ARIH2: variants seen among roughly 807,000 people sequenced by gnomAD.
ARIH2 encodes the protein E3 ubiquitin-protein ligase ARIH2.
In ARIH2, 12 loss-of-function variants were observed where a neutral mutation model predicts 79.8. The observed-to-expected ratio is 0.15, with a 90% CI of 0.10 to 0.24. The LOEUF (loss-of-function observed/expected upper bound fraction) is 0.24, where lower values mean the gene tolerates loss of function less well. Among genes scored for constraint, ARIH2 ranks in the 10% least tolerant of loss-of-function variants. The probability of loss-of-function intolerance (pLI) is 1.00; values close to 1 mark genes in which losing one functional copy is unlikely to be tolerated. For synonymous variants in ARIH2, 224 were observed against 213.9 expected (o/e 1.05, Z -0.41); for missense variants, 301 against 618.3 (o/e 0.49, Z 5.44).
chr3:48,954,179 G>T (rs2090322993), intron 3 of ARIH2, among the ~76,000 whole-genome samples: 1 of 151,784 alleles, frequency 6.6e-6, no homozygotes, highest in Non-Finnish European at 1.5e-5. Context: ...GAAAAGGCCG[G>T]GCTTGGTGGC....
chr3:48,960,538 C>T (rs1369669377), intron 3 of ARIH2, among the ~76,000 whole-genome samples: 2 of 151,546 alleles, frequency 1.3e-5, no homozygotes, highest in East Asian at 1.9e-4. Flanking sequence ...CCAAGGCAGG[C>T]GGATCACCTG....
At chr3:48,962,614 C>T (rs551339101) in intron 4 of ARIH2, among the ~76,000 whole-genome samples, 1 of 152,274 alleles carries the variant, frequency 6.6e-6, no homozygotes, top group Admixed American at 6.5e-5. Flanking sequence ...CAGTGTTTCT[C>T]ATCCTCAGCA....
intron 4 of ARIH2, among the ~76,000 whole-genome samples, chr3:48,964,342 A>G (rs1180683545): frequency 7.3e-6 from 1 of 136,594 alleles, no homozygotes; most frequent in Non-Finnish European, 1.6e-5. Context: ...TTGAGACAGA[A>G]TCTCGCTCTG....
At position 48,985,338 on chromosome 3, in the gene ARIH2, GT is replaced by G. The variant is rs1412219407; in HGVS notation, c.*2071del. On this transcript the variant is annotated 3_prime_UTR_variant, in exon 16 of 16. Transcript: ENST00000356401. ...CCCTCCTGTGCCCTCAGTGGCTGTC[GT>G]TTGTTAACATCATCAGGAAGATGGG... 1 of 152,112 alleles carries G rather than the reference GT, an allele frequency of 6.6e-6. No individual in the cohort carries two copies. Among genetic ancestry groups the G allele is most frequent in the Non-Finnish European group, 1.5e-5 (1 of 68,028 alleles). 9.4% of individuals were successfully genotyped at this position (152,112 alleles called of 1,614,324 possible).
At chr3:48,939,191 C>A (rs191932957) in intron 3 of ARIH2, among the ~76,000 whole-genome samples, 1 of 152,202 alleles carries the variant, frequency 6.6e-6, no homozygotes, top group East Asian at 1.9e-4. Flanking sequence ...TGGTCTTGAA[C>A]TCCAGACTTC....
At chr3:48,974,937 T>C (rs745503656) in intron 10 of ARIH2, 21 bp from the exon 11 acceptor site, 4 of 1,614,192 alleles carry the variant, frequency 2.5e-6, no homozygotes, top group Non-Finnish European at 3.4e-6. Context: ...TAACGTGTTT[T>C]CTTCTGTTTC....
At chr3:48,943,085 T>C (rs531602215) in intron 3 of ARIH2, 1 of 152,324 alleles carries the variant, frequency 6.6e-6, no homozygotes, top group South Asian at 2.1e-4. Context: ...CGCCAACCTC[T>C]TCTTTTTCAA....
chr3:48,938,473 G>T (rs2087501584), intron 3 of ARIH2, among the ~76,000 whole-genome samples: 1 of 151,988 alleles, frequency 6.6e-6, no homozygotes, highest in Non-Finnish European at 1.5e-5. Flanking sequence ...AAAAAAAAAT[G>T]CCACATGAAG....
chr3:48,929,498 A>G (rs962305656), intron 3 of ARIH2, among the ~76,000 whole-genome samples: 5 of 152,128 alleles, frequency 3.3e-5, no homozygotes, highest in Non-Finnish European at 7.3e-5. Context: ...AGTCTAGCTC[A>G]TGCTTTCTCT....
chr3:48,953,277 T>C (rs757862380), intron 3 of ARIH2, among the ~76,000 whole-genome samples: 16 of 152,194 alleles, frequency 1.1e-4, no homozygotes, highest in African/African-American at 1.4e-4. Context: ...CAACATCTTA[T>C]CAAATTATGA....
chr3:48,966,297 G>C (rs1371015961), intron 5 of ARIH2, among the ~76,000 whole-genome samples: 1 of 152,146 alleles, frequency 6.6e-6, no homozygotes, highest in African/African-American at 2.4e-5. Context: ...TGAGAATCCA[G>C]TTCTTTTTCT....
At chr3:48,937,191 A>G (rs1265872476) in intron 3 of ARIH2, among the ~76,000 whole-genome samples, 1 of 152,244 alleles carries the variant, frequency 6.6e-6, no homozygotes, top group African/African-American at 2.4e-5. Flanking sequence ...TGGAAAAGTT[A>G]TTCTCTTTGA....
At chr3:48,969,571 C>A (rs2092046618) in intron 7 of ARIH2, among the ~76,000 whole-genome samples, 1 of 151,184 alleles carries the variant, frequency 6.6e-6, no homozygotes, top group African/African-American at 2.4e-5. Context: ...ACTGCAGCCT[C>A]TGACCTCCCA....
intron 3 of ARIH2, among the ~76,000 whole-genome samples, chr3:48,937,143 G>A (rs2107138125): frequency 6.6e-6 from 1 of 152,376 alleles, no homozygotes; most frequent in East Asian, 1.9e-4. Context: ...GGAAAACAGA[G>A]CTGTTCTTAT....
chr3:48,938,347 A>G (rs1385453405), intron 3 of ARIH2, among the ~76,000 whole-genome samples: 2 of 151,948 alleles, frequency 1.3e-5, no homozygotes, highest in Admixed American at 6.6e-5. Flanking sequence ...TTTATTTGCA[A>G]TGGCCAAAAA....
In ARIH2 at chr3:48,983,565, T is replaced by C; in HGVS notation, c.*295T>C. 1 of 330,266 alleles carries C rather than the reference T, an allele frequency of 3.0e-6. No homozygotes were observed. The highest frequency in any genetic ancestry group is 5.5e-6 in the Non-Finnish European group (1 of 181,502). 20.5% of individuals were successfully genotyped at this position (330,266 alleles called of 1,614,324 possible). A position where few individuals can be genotyped will look rare whatever the true frequency, so the allele number is the denominator to read the frequency against. ...CTGAATGGCTATTAATAGTATTAGA[T>C]CATTACAACTTATGTAACTTTCAAA... On this transcript the variant is annotated 3_prime_UTR_variant, in exon 16 of 16. Coordinates refer to ENST00000356401, the MANE Select transcript of ARIH2 (RefSeq NM_006321.4).
intron 3 of ARIH2, among the ~76,000 whole-genome samples, chr3:48,941,676 T>C (rs1489543239): frequency 6.7e-6 from 1 of 148,344 alleles, no homozygotes; most frequent in African/African-American, 2.5e-5. Context: ...CACTGCAAGC[T>C]CCACCTCCCG....
chr3:48,974,686 A>G (rs1028352786), intron 9 of ARIH2, 131 bp from the exon 10 acceptor site: 16 of 865,574 alleles, frequency 1.8e-5, no homozygotes, highest in Non-Finnish European at 2.7e-5. Context: ...TGCCACATTT[A>G]AGTGAGGTGC....
chr3:48,953,246 T>C (rs1035246115), intron 3 of ARIH2, among the ~76,000 whole-genome samples: 2 of 151,932 alleles, frequency 1.3e-5, no homozygotes, highest in South Asian at 4.2e-4. Flanking sequence ...TCTGAGTAGA[T>C]TGAAATTCAT....
Sources: allele counts gnomAD v4.1 joint callset (sites outside exome capture counted in the v4.1 genomes callset), GRCh38; gene constraint gnomAD v4.1.1; transcripts MANE v1.5; gene names NCBI Gene and HGNC (gene_info 2026-07-23, HGNC 2026-07-21).